The following FSTL4 variants were observed in gnomAD, a reference collection of about 807,000 sequenced individuals.
FSTL4 encodes follistatin-related protein 4.
In FSTL4, 28 loss-of-function variants were observed where a neutral mutation model predicts 78.2. That is an observed-to-expected ratio of 0.36 (90% CI 0.27 to 0.49). The LOEUF (loss-of-function observed/expected upper bound fraction) is 0.49. FSTL4 is among the 20% of genes least tolerant of loss of function. The probability of loss-of-function intolerance (pLI) is 0.98; values close to 1 mark genes in which losing one functional copy is unlikely to be tolerated. For missense variants in FSTL4, 922 were observed against 1,084.9 expected, an observed-to-expected ratio of 0.85 and a Z score of 2.11; for synonymous variants, 422 against 440.5, an observed-to-expected ratio of 0.96 and a Z score of 0.53.
intron 4 of FSTL4, among the ~76,000 whole-genome samples, chr5:133,366,000 C>A (rs1755174227): frequency 6.6e-6 from 1 of 152,176 alleles, no homozygotes; most frequent in Non-Finnish European, 1.5e-5. Context: ...CCCAGTATTA[C>A]CCTCCTCTAA....
intron 3 of FSTL4, among the ~76,000 whole-genome samples, chr5:133,461,186 T>C (rs1391527041): frequency 6.6e-6 from 1 of 152,224 alleles, no homozygotes; most frequent in East Asian, 1.9e-4. Context: ...AAATTCCATC[T>C]GTCAATGTGG....
the FSTL4 span, among the ~76,000 whole-genome samples, chr5:133,690,237 A>G: frequency 6.6e-6 from 1 of 152,122 alleles, no homozygotes; most frequent in Non-Finnish European, 1.5e-5. Flanking sequence ...TTCCATTAAT[A>G]AGATCAGACA....
At chr5:133,736,732 G>A in the FSTL4 span, among the ~76,000 whole-genome samples, 1 of 152,138 alleles carries the variant, frequency 6.6e-6, no homozygotes, top group South Asian at 2.1e-4. Flanking sequence ...TCCCTGCTGA[G>A]CAGCCCCTCA....
At chr5:133,570,323 T>A (rs1166974222) in intron 2 of FSTL4, among the ~76,000 whole-genome samples, 2 of 152,134 alleles carry the variant, frequency 1.3e-5, no homozygotes, top group Non-Finnish European at 2.9e-5. Flanking sequence ...TATCTTATTT[T>A]AAAATTTTTT....
intron 1 of FSTL4, among the ~76,000 whole-genome samples, chr5:133,610,010 A>G (rs773883786): frequency 4.6e-5 from 7 of 152,256 alleles, no homozygotes; most frequent in Non-Finnish European, 1.0e-4. Context: ...CAAACAAGGC[A>G]AGGTAGGAGT....
intron 4 of FSTL4, among the ~76,000 whole-genome samples, chr5:133,380,328 G>A (rs977936781): frequency 1.8e-4 from 27 of 151,214 alleles, no homozygotes; most frequent in Admixed American, 1.6e-3. Context: ...TAGAAGTCTC[G>A]AATTACTAAA....
chr5:133,267,876 A>C (rs1752680536), intron 6 of FSTL4, among the ~76,000 whole-genome samples: 1 of 152,168 alleles, frequency 6.6e-6, no homozygotes, highest in African/African-American at 2.4e-5. Flanking sequence ...GGCTGGGGCA[A>C]GAAGGGCTGC....
chr5:133,247,520 T>C (rs150599478), intron 7 of FSTL4: 34 of 152,284 alleles, frequency 2.2e-4, no homozygotes, highest in Non-Finnish European at 3.1e-4. Flanking sequence ...CCAAACATGT[T>C]TAAAAGCTGG....
At chr5:133,480,309 T>C (rs998376421) in intron 3 of FSTL4, among the ~76,000 whole-genome samples, 1 of 152,244 alleles carries the variant, frequency 6.6e-6, no homozygotes, top group Non-Finnish European at 1.5e-5. Context: ...CCTTTCACCA[T>C]GAGACCTGTA....
chr5:133,778,617 C>T, the FSTL4 span, among the ~76,000 whole-genome samples: 1 of 152,140 alleles, frequency 6.6e-6, no homozygotes, highest in Non-Finnish European at 1.5e-5. Flanking sequence ...CCACTCAGTT[C>T]ACCTCACCGA....
intron 7 of FSTL4, among the ~76,000 whole-genome samples, chr5:133,249,083 G>C (rs532263134): frequency 9.2e-5 from 14 of 152,320 alleles, no homozygotes; most frequent in South Asian, 2.1e-4. Context: ...CCATCTCTCT[G>C]AGCCCTGTGA....
At chr5:133,290,383 C>T (rs1753233213) in intron 6 of FSTL4, among the ~76,000 whole-genome samples, 1 of 152,212 alleles carries the variant, frequency 6.6e-6, no homozygotes, top group African/African-American at 2.4e-5. Context: ...GGGGGCAGAG[C>T]TCCTGTGAGG....
chr5:133,370,306 A>T (rs1042721841), intron 4 of FSTL4, among the ~76,000 whole-genome samples: 2 of 152,140 alleles, frequency 1.3e-5, no homozygotes, highest in African/African-American at 2.4e-5. Flanking sequence ...GGCTGTGGGC[A>T]GGGAGACAGG....
chr5:133,508,665 A>T (rs1758662929), intron 3 of FSTL4, among the ~76,000 whole-genome samples: 2 of 152,246 alleles, frequency 1.3e-5, no homozygotes, highest in South Asian at 4.1e-4. Flanking sequence ...TGTAGGTTAT[A>T]TGCAAAAACG....
intron 2 of FSTL4, among the ~76,000 whole-genome samples, chr5:133,594,952 T>C (rs1760710768): frequency 6.6e-6 from 1 of 152,244 alleles, no homozygotes; most frequent in Non-Finnish European, 1.5e-5. Flanking sequence ...GTTCTGCTCC[T>C]TTCTGCCCTC....
chr5:133,634,544 C>T, the FSTL4 span, among the ~76,000 whole-genome samples: 1 of 152,134 alleles, frequency 6.6e-6, no homozygotes, highest in African/African-American at 2.4e-5. Context: ...GACTTCTTCT[C>T]CTCACCTTAT....
intron 4 of FSTL4, among the ~76,000 whole-genome samples, chr5:133,359,011 C>T (rs1755008935): frequency 6.6e-6 from 1 of 152,212 alleles, no homozygotes; most frequent in Non-Finnish European, 1.5e-5. Flanking sequence ...GAAATTCTCA[C>T]ACGGTGGGGT....
intron 3 of FSTL4, among the ~76,000 whole-genome samples, chr5:133,441,461 C>T (rs1395183835): frequency 2.0e-5 from 3 of 149,932 alleles, no homozygotes; most frequent in South Asian, 2.1e-4. Context: ...GGCCGAGAAA[C>T]GTTTAGTGCA....
the FSTL4 span, among the ~76,000 whole-genome samples, chr5:133,648,000 C>T: frequency 6.6e-6 from 1 of 152,062 alleles, no homozygotes; most frequent in Non-Finnish European, 1.5e-5. Flanking sequence ...AGAGGAGTTT[C>T]CCTGCACAAG....
Sources: gnomAD v4.1 joint callset for allele counts (sites outside exome capture counted in the v4.1 genomes callset) on GRCh38, gnomAD v4.1.1 for gene constraint, MANE v1.5 for transcripts, NCBI Gene and HGNC (gene_info 2026-07-23, HGNC 2026-07-21) for gene names.